The following KRT80 variants were observed in gnomAD, a reference collection of about 807,000 sequenced individuals.
KRT80 encodes the protein keratin, type II cytoskeletal 80.
In KRT80, 36 loss-of-function variants were observed where a neutral mutation model predicts 51.5. That is an observed-to-expected ratio of 0.70 (90% CI 0.54 to 0.92). The LOEUF (loss-of-function observed/expected upper bound fraction) is 0.92. Among genes scored for constraint, KRT80 ranks in the 40% least tolerant of loss-of-function variants. The pLI, the probability that KRT80 is intolerant of heterozygous loss-of-function variation, is 0.00. For synonymous variants in KRT80, 235 were observed against 248.3 expected, an observed-to-expected ratio of 0.95 and a Z score of 0.50; for missense variants, 566 against 591.7, an observed-to-expected ratio of 0.96 and a Z score of 0.45.
At chr12:52,179,184 A>G (rs1941281874) in intron 4 of KRT80, among the ~76,000 whole-genome samples, 2 of 152,340 alleles carry the variant, frequency 1.3e-5, no homozygotes, top group Non-Finnish European at 2.9e-5. Context: ...TCAGCCTCTC[A>G]GAGGCAGTAT....
chr12:52,174,580 C>T (rs901446105), intron 4 of KRT80, among the ~76,000 whole-genome samples: 10 of 152,252 alleles, frequency 6.6e-5, no homozygotes, highest in African/African-American at 1.4e-4. Flanking sequence ...CTGGACTGTG[C>T]GCTGAGCGTT....
intron 2 of KRT80, among the ~76,000 whole-genome samples, 170 bp from the exon 3 acceptor site, chr12:52,181,133 T>C (rs901209427): frequency 1.3e-5 from 2 of 152,012 alleles, no homozygotes; most frequent in African/African-American, 4.8e-5. Flanking sequence ...ACATCCTCTC[T>C]CTCTCCCCCC....
At position 52,191,935 on chromosome 12, in the gene KRT80, G is replaced by C. The variant is rs777477365; in HGVS notation, c.-33C>G. The stretch of plus-strand genomic sequence containing the variant: ...CCGGCCGGAAGCAGGAGGGCCCAGG[G>C]GGGTGAGCGAGTGAGCCTGGGGTTG... On this transcript the variant is annotated 5_prime_UTR_variant, in exon 1 of 9. Coordinates refer to ENST00000394815, the MANE Select transcript of KRT80 (RefSeq NM_182507.3). The C allele has an allele frequency of 6.9e-7, 1 of 1,439,590 alleles. No individual in the cohort carries two copies. Among genetic ancestry groups the C allele is most frequent in the Non-Finnish European group, 9.1e-7 (1 of 1,097,224 alleles). The allele number at this position is 1,439,590 out of a possible 1,614,324, so 89.2% of individuals were successfully genotyped here. A position where few individuals can be genotyped will look rare whatever the true frequency, so the allele number is the denominator to read the frequency against.
rs552319286 is a variant in KRT80, at chr12:52,180,285, G to A, written c.666+228C>T. 2.6e-5 allele frequency among the ~76,000 whole-genome samples: 4 copies of A among 152,252 alleles called. No homozygotes were observed. The East Asian group carries it at 7.7e-4, about 29-fold the overall frequency. On this transcript the variant is annotated intron_variant, in intron 4 of 8. Transcript: ENST00000394815. The stretch of plus-strand genomic sequence containing the variant: ...AGGTATAGTTCTTCCAGAAAGAGTG[G>A]CCTTTGGGGAACCAGCCCATGTTCC...
chr12:52,173,038 A>C lies in KRT80; in HGVS notation c.957T>G (p.His319Gln). ...LRSQILSVKSHCLKLEENIKT... is the reference protein window; with the variant it reads ...LRSQILSVKSQCLKLEENIKT... Reference sequence around the variant, plus strand: ...CCAGGCGCGTCCCCCAGATACTCACATGGCTCTTGACAGAGAGGATCTGGG... The same window carrying C: ...CCAGGCGCGTCCCCCAGATACTCACCTGGCTCTTGACAGAGAGGATCTGGG... The change falls in exon 6 of 9, where the codon CAT (histidine) becomes CAG (glutamine). Residue 319 changes from histidine to glutamine, a missense_variant and splice_region_variant. Physicochemically the swap from His to Gln is conservative, Grantham distance 24 (BLOSUM62 0). Coordinates refer to ENST00000394815, the MANE Select transcript of KRT80 (RefSeq NM_182507.3). 1 of 1,605,606 alleles carries C rather than the reference A, an allele frequency of 6.2e-7. No homozygotes were observed. The highest frequency in any genetic ancestry group is 1.7e-5 in the Admixed American group (1 of 59,608).
intron 4 of KRT80, among the ~76,000 whole-genome samples, chr12:52,176,195 A>G (rs1941217774): frequency 1.3e-5 from 2 of 152,368 alleles, no homozygotes; most frequent in South Asian, 2.1e-4. Context: ...GTGTTCAGAC[A>G]TGCAGGCCCC....
intron 1 of KRT80, among the ~76,000 whole-genome samples, chr12:52,186,642 T>C (rs1018431222): frequency 6.6e-6 from 1 of 152,220 alleles, no homozygotes; most frequent in Non-Finnish European, 1.5e-5. Context: ...CTATGACACA[T>C]GCGTCCTGTG....
At chr12:52,176,061 G>A (rs890926014) in intron 4 of KRT80, among the ~76,000 whole-genome samples, 23 of 152,330 alleles carry the variant, frequency 1.5e-4, no homozygotes, top group Middle Eastern at 3.4e-3. Flanking sequence ...CTGTGAGGAC[G>A]CACTATAGCA....
chr12:52,176,868 A>G (rs1195175070), intron 4 of KRT80, among the ~76,000 whole-genome samples: 1 of 152,258 alleles, frequency 6.6e-6, no homozygotes, highest in Non-Finnish European at 1.5e-5. Context: ...GGATCTAATT[A>G]TAGAGCTGAA....
chr12:52,187,773 G>T (rs912588628), intron 1 of KRT80, among the ~76,000 whole-genome samples: 1 of 152,110 alleles, frequency 6.6e-6, no homozygotes, highest in African/African-American at 2.4e-5. Context: ...GGAGCGTTGG[G>T]GGGGCAGGTA....
At chr12:52,175,437 G>A (rs1941201590) in intron 4 of KRT80, among the ~76,000 whole-genome samples, 2 of 152,030 alleles carry the variant, frequency 1.3e-5, no homozygotes, top group South Asian at 4.2e-4. Context: ...CTGACTCTGG[G>A]CGCCCTCCTG....
At chr12:52,182,249 C>A (rs749269373) in intron 2 of KRT80, among the ~76,000 whole-genome samples, 3 of 152,142 alleles carry the variant, frequency 2.0e-5, no homozygotes, top group African/African-American at 7.2e-5. Context: ...CTAAATTGGA[C>A]TTGAGTGGGG....
chr12:52,181,697 C>T (rs979795760), intron 2 of KRT80, among the ~76,000 whole-genome samples: 27 of 152,206 alleles, frequency 1.8e-4, no homozygotes, highest in African/African-American at 5.5e-4. Flanking sequence ...ACTTCTTACT[C>T]GCTCCCACCT....
intron 4 of KRT80, among the ~76,000 whole-genome samples, chr12:52,174,514 C>A (rs1941186208): frequency 6.6e-6 from 1 of 152,374 alleles, no homozygotes; most frequent in Non-Finnish European, 1.5e-5. Context: ...GTCTCCTATC[C>A]CTGGAGACTT....
chr12:52,177,327 T>C (rs781576108), intron 4 of KRT80, among the ~76,000 whole-genome samples: 78 of 152,290 alleles, frequency 5.1e-4, no homozygotes, highest in South Asian at 8.3e-4. Flanking sequence ...TAGGCAGCAC[T>C]GGCTTTTCTC....
intron 4 of KRT80, among the ~76,000 whole-genome samples, chr12:52,179,190 A>G: frequency 6.6e-6 from 1 of 152,218 alleles, no homozygotes; most frequent in Non-Finnish European, 1.5e-5. Context: ...TCTCAGAGGC[A>G]GTATGAGTGG....
intron 1 of KRT80, among the ~76,000 whole-genome samples, chr12:52,188,049 C>T (rs1029507231): frequency 6.6e-6 from 1 of 151,990 alleles, no homozygotes; most frequent in Non-Finnish European, 1.5e-5. Context: ...CTGTTTTCTG[C>T]TGCCCTTGGG....
chr12:52,171,550 G>A (rs764141074), intron 8 of KRT80, 28 bp from the exon 9 acceptor site: 1 of 1,613,820 alleles, frequency 6.2e-7, no homozygotes, highest in South Asian at 1.1e-5. Context: ...GGTAGGGGAG[G>A]GAAGGGGCTG....
chr12:52,190,397 G>C (rs1426533192), intron 1 of KRT80, among the ~76,000 whole-genome samples: 4 of 152,250 alleles, frequency 2.6e-5, no homozygotes, highest in Non-Finnish European at 5.9e-5. Context: ...AGTGTGGCTT[G>C]AATTTCATTG....
Sources: gnomAD v4.1 joint callset for allele counts (sites outside exome capture counted in the v4.1 genomes callset) on GRCh38, gnomAD v4.1.1 for gene constraint, MANE v1.5 for transcripts, NCBI Gene and HGNC (gene_info 2026-07-23, HGNC 2026-07-21) for gene names.